Variants in ALDH2 observed in about 807,000 individuals in gnomAD.
ALDH2 encodes the protein aldehyde dehydrogenase 2 family member.
In ALDH2, 44 loss-of-function variants were observed where a neutral mutation model predicts 59.6. The observed-to-expected ratio is 0.74, with a 90% confidence interval of 0.58 to 0.95. ALDH2 has a LOEUF of 0.95. Among genes scored for constraint, ALDH2 ranks in the 40% least tolerant of loss-of-function variants. The pLI, the probability that ALDH2 is intolerant of heterozygous loss-of-function variation, is 0.00. For missense variants in ALDH2, 570 were observed against 696.3 expected (o/e 0.82, Z 2.04); for synonymous variants, 291 against 284.0 (o/e 1.02, Z -0.25).
chr12:111,794,229 A>G (rs1228972143), intron 9 of ALDH2, among the ~76,000 whole-genome samples: 2 of 152,060 alleles, frequency 1.3e-5, no homozygotes, highest in East Asian at 3.9e-4. Flanking sequence ...CACGTTGGCC[A>G]GGATGGTCTC....
At chr12:111,802,082 G>A (rs563245560) in intron 11 of ALDH2, among the ~76,000 whole-genome samples, 8 of 152,052 alleles carry the variant, frequency 5.3e-5, no homozygotes, top group South Asian at 4.2e-4. Flanking sequence ...GTGAAACCCC[G>A]TCTCTACTAA....
intron 6 of ALDH2, 55 bp from the exon 7 acceptor site, chr12:111,791,251 G>C (rs1224033480): frequency 1.5e-6 from 2 of 1,340,950 alleles, no homozygotes; most frequent in Admixed American, 1.8e-5. Context: ...TCCCCTGGTT[G>C]AGCCCTTCAG....
chr12:111,788,790 T>A (rs2068331992), intron 4 of ALDH2, among the ~76,000 whole-genome samples: 1 of 151,684 alleles, frequency 6.6e-6, no homozygotes, highest in Non-Finnish European at 1.5e-5. Flanking sequence ...TCACTTGAGC[T>A]CAGGAGTTTG....
In ALDH2 at chr12:111,792,548, G is replaced by C. The variant is rs773061911; in HGVS notation, c.899-50G>C. 3 of 1,577,430 alleles carry C rather than the reference G, an allele frequency of 1.9e-6. No individual in the cohort carries two copies. In the South Asian group the frequency reaches 3.4e-5, roughly 18 times the overall value. The stretch of plus-strand genomic sequence containing the variant: ...ATTGGGCAGGCGGCCACCAGGGCCA[G>C]GGTCCTCCTCCTCACTGTCACCTTT... On this transcript the variant is annotated intron_variant, in intron 8 of 12. Coordinates refer to ENST00000261733, the MANE Select transcript of ALDH2 (RefSeq NM_000690.4).
chr12:111,795,027 A>G (rs1248310980), intron 9 of ALDH2, among the ~76,000 whole-genome samples: 11 of 152,042 alleles, frequency 7.2e-5, no homozygotes, highest in Admixed American at 1.3e-4. Flanking sequence ...CCACCAATCT[A>G]TGTTCTGCCT....
chr12:111,784,651 T>C (rs1338329035), intron 3 of ALDH2, among the ~76,000 whole-genome samples: 1 of 152,104 alleles, frequency 6.6e-6, no homozygotes. Flanking sequence ...AGTCTCACTC[T>C]TCACCCAGGC....
In ALDH2 at chr12:111,781,848, T is replaced by C. The variant is rs1269051343; in HGVS notation, c.115-70T>C. 35 of 1,145,168 alleles carry C rather than the reference T, an allele frequency of 3.1e-5. No homozygotes were observed. The South Asian group carries it at 3.9e-4, about 13-fold the overall frequency. 70.9% of individuals were successfully genotyped at this position (1,145,168 alleles called of 1,614,324 possible). A position where few individuals can be genotyped will look rare whatever the true frequency, so the allele number is the denominator to read the frequency against. ...ATTTGCTTTTTCTTGTTTTTTTTTT[T>C]CCTTACAATACTGGTAGTCAGTATT... On this transcript the variant is annotated intron_variant, in intron 1 of 12. Transcript: ENST00000261733.
intron 1 of ALDH2, among the ~76,000 whole-genome samples, chr12:111,768,485 C>T (rs1489433123): frequency 6.6e-6 from 1 of 152,272 alleles, no homozygotes; most frequent in African/African-American, 2.4e-5. Flanking sequence ...AAAAAGGCAG[C>T]AGCTATGGCT....
In ALDH2 at chr12:111,809,883, GA is replaced by G; in HGVS notation, c.*313del. 2.3e-6 allele frequency: 1 copy of G among 442,896 alleles called. No homozygotes were observed. Among genetic ancestry groups the G allele is most frequent in the Non-Finnish European group, 4.1e-6 (1 of 244,690 alleles). The allele number at this position is 442,896 out of a possible 1,614,324, so 27.4% of individuals were successfully genotyped here. A position where few individuals can be genotyped will look rare whatever the true frequency, so the allele number is the denominator to read the frequency against. On this transcript the variant is annotated 3_prime_UTR_variant, in exon 13 of 13. Transcript: ENST00000261733. ...CCTATAACTCGAGTTTATAGGGGAA[GA>G]AAAAGCTATTGTTTACAATTATATC... is the stretch of plus-strand genomic sequence containing the variant.
intron 12 of ALDH2, among the ~76,000 whole-genome samples, chr12:111,807,202 G>T (rs1353941112): frequency 3.3e-5 from 5 of 152,074 alleles, no homozygotes; most frequent in Non-Finnish European, 7.4e-5. Flanking sequence ...GGCGGAGCTT[G>T]CAGTGAGCCG....
At chr12:111,799,698 C>G in intron 10 of ALDH2, 1 of 499,210 alleles carries the variant, frequency 2.0e-6, no homozygotes, top group East Asian at 3.1e-5. Flanking sequence ...GTATGTAAAG[C>G]CCGGGGCGCA....
intron 1 of ALDH2, among the ~76,000 whole-genome samples, chr12:111,769,770 G>A (rs2068186021): frequency 6.6e-6 from 1 of 152,078 alleles, no homozygotes; most frequent in Non-Finnish European, 1.5e-5. Context: ...TGTTTGCAGT[G>A]TGGCCTTATT....
At chr12:111,786,650 A>G (rs1403884395) in intron 4 of ALDH2, among the ~76,000 whole-genome samples, 1 of 151,802 alleles carries the variant, frequency 6.6e-6, no homozygotes, top group Non-Finnish European at 1.5e-5. Flanking sequence ...GGCTCAAGCA[A>G]TCTTCCCACT....
At position 111,811,566 on chromosome 12, in the gene ALDH2, T is replaced by A. The variant is rs1350641344; in HGVS notation, c.*1991T>A. The A allele has an allele frequency of 1.3e-5, 2 of 151,426 alleles. No individual in the cohort carries two copies. The highest frequency in any genetic ancestry group is 2.9e-5 in the Non-Finnish European group (2 of 67,954). The allele number at this position is 151,426 out of a possible 1,614,324, so 9.4% of individuals were successfully genotyped here. A position where few individuals can be genotyped will look rare whatever the true frequency, so the allele number is the denominator to read the frequency against. ...TTGGCTCACTGCAACCTCTGCCTCC[T>A]GGGTTGGAGCAATTCTCCTGCCTCA... On this transcript the variant is annotated 3_prime_UTR_variant, in exon 13 of 13. Coordinates refer to ENST00000261733, the MANE Select transcript of ALDH2 (RefSeq NM_000690.4).
chr12:111,791,419 G>A lies in ALDH2; in HGVS notation c.795G>A (p.Glu265=). ...VDKVAFTGST[E]IGRVIQVAAG... ...AAGTGGCATTCACAGGCTCCACTGA[G>A]GTAAGGTGACCCTGGCCTCAAGCTT... The change falls in exon 7 of 13, where the codon GAG becomes GAA. Residue 265 remains glutamate (E), a splice_region_variant and synonymous_variant. Transcript: ENST00000261733. 2.5e-6 allele frequency: 4 copies of A among 1,610,386 alleles called. No individual in the cohort carries two copies. Among genetic ancestry groups the A allele is most frequent in the Non-Finnish European group, 3.4e-6 (4 of 1,177,610 alleles).
chr12:111,796,501 CTT>C (rs1288501502), intron 9 of ALDH2, among the ~76,000 whole-genome samples: 1 of 151,912 alleles, frequency 6.6e-6, no homozygotes, highest in Non-Finnish European at 1.5e-5. Context: ...GGCCCTGACT[CTT>C]TTTAAAAAAA....
At chr12:111,805,748 G>T (rs1246276876) in intron 12 of ALDH2, among the ~76,000 whole-genome samples, 1 of 152,212 alleles carries the variant, frequency 6.6e-6, no homozygotes, top group Admixed American at 6.5e-5. Context: ...AAAATGGCCG[G>T]GCGCGGTGGC....
At chr12:111,768,333 G>T (rs1166219108) in intron 1 of ALDH2, among the ~76,000 whole-genome samples, 1 of 152,210 alleles carries the variant, frequency 6.6e-6, no homozygotes, top group Non-Finnish European at 1.5e-5. Flanking sequence ...CACACCTGCT[G>T]GTCTGGCCCT....
intron 9 of ALDH2, 34 bp from the exon 10 acceptor site, chr12:111,798,044 A>G (rs1208129383): frequency 6.2e-7 from 1 of 1,613,568 alleles, no homozygotes; most frequent in African/African-American, 1.3e-5. Context: ...TCTGAATCCG[A>G]TGTCTCCATA....
Sources: allele counts gnomAD v4.1 joint callset (sites outside exome capture counted in the v4.1 genomes callset), GRCh38; gene constraint gnomAD v4.1.1; transcripts MANE v1.5; gene names NCBI Gene and HGNC (gene_info 2026-07-23, HGNC 2026-07-21).